The following PSPC1 variants were observed in gnomAD, a reference collection of about 807,000 sequenced individuals.
PSPC1 encodes the protein paraspeckle component 1, also known as paraspeckle protein 1.
In PSPC1, 14 loss-of-function variants were observed where a neutral mutation model predicts 51.6. That is an observed-to-expected ratio of 0.27 (90% CI 0.18 to 0.42). The LOEUF (loss-of-function observed/expected upper bound fraction) is 0.42. Ranked by LOEUF, PSPC1 falls within the 10% of genes least tolerant of loss-of-function variation. PSPC1 has a pLI of 1.00. For synonymous variants in PSPC1, 193 were observed against 231.9 expected (o/e 0.83, Z 1.53); for missense variants, 406 against 701.1 (o/e 0.58, Z 4.75).
Position 19,686,128 on chromosome 13 carries a change from T to C in PSPC1, c.1159-8305A>G, listed in dbSNP as rs377173673. On this transcript the variant is annotated intron_variant and NMD_transcript_variant, in intron 6 of 7. Coordinates refer to the PSPC1 transcript ENST00000471658. ...TATTAAGTAGCTAACGTAATTCCTT[T>C]CTAAAAAATAAGCTACATCCTATCA... Among the ~76,000 whole-genome samples, 46 of 152,326 alleles carry C rather than the reference T, an allele frequency of 3.0e-4. 1 individual carries two copies. In the South Asian group the frequency reaches 9.3e-3, roughly 31 times the overall value.
chr13:19,688,071 G>A (rs1321490298), intron 6 of PSPC1, among the ~76,000 whole-genome samples: 1 of 151,648 alleles, frequency 6.6e-6, no homozygotes, highest in African/African-American at 2.4e-5. Flanking sequence ...CAAATCTCTG[G>A]ACACACTCAC....
intron 7 of PSPC1, among the ~76,000 whole-genome samples, chr13:19,677,134 G>A (rs1200039820): frequency 1.3e-5 from 2 of 151,734 alleles, no homozygotes; most frequent in Non-Finnish European, 2.9e-5. Flanking sequence ...TCGGGAGGCT[G>A]AGGCAGGAGA....
At chr13:19,745,984 C>G (rs1038792677) in intron 4 of PSPC1, among the ~76,000 whole-genome samples, 2 of 150,676 alleles carry the variant, frequency 1.3e-5, no homozygotes, top group Non-Finnish European at 3.0e-5. Context: ...GAAGGGCTCA[C>G]AGCAACATAT....
chr13:19,690,237 T>A (rs937962228), intron 6 of PSPC1, among the ~76,000 whole-genome samples: 3 of 152,230 alleles, frequency 2.0e-5, no homozygotes, highest in African/African-American at 7.2e-5. Flanking sequence ...ACTGTCATCT[T>A]AAAGTTCAAT....
exon 8 of PSPC1, chr13:19,674,833 A>T (rs1876452570): frequency 6.6e-6 from 1 of 152,226 alleles, no homozygotes; most frequent in South Asian, 2.1e-4. Flanking sequence ...CTTATCCCAA[A>T]TCCTTGCTAA....
intron 2 of PSPC1, among the ~76,000 whole-genome samples, chr13:19,765,342 A>AT (rs1229413533): frequency 0.024 from 3,416 of 144,758 alleles, 78 homozygotes; most frequent in African/African-American, 0.066. Flanking sequence ...AATAATAATA[A>AT]TAATTATTAT....
intron 6 of PSPC1, among the ~76,000 whole-genome samples, chr13:19,685,986 T>C (rs967297816): frequency 2.0e-5 from 3 of 152,194 alleles, no homozygotes; most frequent in Non-Finnish European, 2.9e-5. Context: ...TTATTGTCTC[T>C]CCTCTTACAT....
At chr13:19,699,719 T>TC (rs1329558800), downstream of PSPC1, among the ~76,000 whole-genome samples, 1 of 151,656 alleles carries the variant, frequency 6.6e-6, no homozygotes, top group Admixed American at 6.6e-5. Flanking sequence ...TAGTTTGCCA[T>TC]CCCCCCAAAA....
downstream of PSPC1, chr13:19,673,297 T>G (rs1876259929): frequency 2.8e-6 from 1 of 358,926 alleles, no homozygotes. Flanking sequence ...GTTTTGTTCC[T>G]CATTAGTTTA....
Position 19,719,063 on chromosome 13 carries a change from A to G in PSPC1, c.1159-9464T>C, listed in dbSNP as rs542755893. ...AGGTTCATGTCATAGATTTGTCAAAACCCTCAGAATGTACACCCAGAGCAA... is the reference window on the plus strand; with the variant it reads ...AGGTTCATGTCATAGATTTGTCAAAGCCCTCAGAATGTACACCCAGAGCAA... On this transcript the variant is annotated intron_variant, in intron 6 of 8. Coordinates refer to ENST00000338910, the MANE Select transcript of PSPC1 (RefSeq NM_001354909.2). 1.2e-3 allele frequency among the ~76,000 whole-genome samples: 181 copies of G among 150,472 alleles called. 1 individual carries two copies. The highest frequency in any genetic ancestry group is 5.8e-3 in the South Asian group (27 of 4,646).
intron 5 of PSPC1, among the ~76,000 whole-genome samples, chr13:19,738,712 C>A (rs987862861): frequency 1.3e-5 from 2 of 151,998 alleles, no homozygotes; most frequent in Non-Finnish European, 2.9e-5. Context: ...TCGAGACCAT[C>A]CTGGCTAACA....
At chr13:19,750,989 G>A (rs993165443) in intron 4 of PSPC1, among the ~76,000 whole-genome samples, 9 of 151,894 alleles carry the variant, frequency 5.9e-5, no homozygotes, top group African/African-American at 2.2e-4. Flanking sequence ...GGCAGGTCTC[G>A]AACTCCCGAC....
chr13:19,772,570 A>G, intron 1 of PSPC1, 27 bp from the exon 2 acceptor site: 2 of 1,558,436 alleles, frequency 1.3e-6, no homozygotes, highest in Non-Finnish European at 1.7e-6. Context: ...AACATTTTTA[A>G]AAGATGACAG....
At chr13:19,688,039 T>C (rs1278667659) in intron 6 of PSPC1, among the ~76,000 whole-genome samples, 1 of 152,128 alleles carries the variant, frequency 6.6e-6, no homozygotes, top group African/African-American at 2.4e-5. Flanking sequence ...TTGAAGTTGA[T>C]ACCTAGGTAT....
chr13:19,782,762 C>T lies in PSPC1; in HGVS notation c.-5G>A. 1 of 1,536,786 alleles carries T rather than the reference C, an allele frequency of 6.5e-7. No individual in the cohort carries two copies. Among genetic ancestry groups the T allele is most frequent in the East Asian group, 2.5e-5 (1 of 40,238 alleles). Reference sequence around the variant, plus strand: ...CAGGTTTCCTCTTAACATCATCTTACTGAGTTCGCCTCGGACACCGGATAC... The same window carrying T: ...CAGGTTTCCTCTTAACATCATCTTATTGAGTTCGCCTCGGACACCGGATAC... On this transcript the variant is annotated 5_prime_UTR_variant, in exon 1 of 9. Transcript: ENST00000338910. The surrounding 1 kb of genome is among the most constrained non-coding windows in gnomAD (Gnocchi z 4.5).
At chr13:19,691,741 A>ACC (rs1878578037) in intron 6 of PSPC1, among the ~76,000 whole-genome samples, 2 of 152,222 alleles carry the variant, frequency 1.3e-5, no homozygotes, top group Admixed American at 1.3e-4. Flanking sequence ...CAACATGGTG[A>ACC]AACCTCATCC....
At chr13:19,737,062 T>C (rs1213311289) in intron 5 of PSPC1, 1 of 152,168 alleles carries the variant, frequency 6.6e-6, no homozygotes, top group Non-Finnish European at 1.5e-5. Flanking sequence ...CGGGAGTTTT[T>C]ACCTACTCCA....
At chr13:19,684,978 T>TAA (rs528652124) in intron 6 of PSPC1, among the ~76,000 whole-genome samples, 162 of 152,386 alleles carry the variant, frequency 1.1e-3, no homozygotes, top group African/African-American at 3.8e-3. Flanking sequence ...AAGACAAGTT[T>TAA]AAAAGATATC....
chr13:19,729,638 TA>T (rs113820678), intron 6 of PSPC1, among the ~76,000 whole-genome samples: 1,709 of 145,456 alleles, frequency 0.012, 28 homozygotes, highest in African/African-American at 0.037. Flanking sequence ...ACCAAATGTT[TA>T]AAAAAAAAAA....
Sources: allele counts gnomAD v4.1 joint callset (sites outside exome capture counted in the v4.1 genomes callset), GRCh38; gene constraint gnomAD v4.1.1; non-coding constraint Gnocchi (gnomAD v3.1); transcripts MANE v1.5; gene names NCBI Gene and HGNC (gene_info 2026-07-23, HGNC 2026-07-21).